Variants in ESRRA observed in about 807,000 individuals in gnomAD.
ESRRA encodes the protein estrogen related receptor alpha.
ESRRA carries 7 observed loss-of-function variants against 35.6 expected under a neutral mutation model. The observed-to-expected ratio is 0.20, with a 90% CI of 0.11 to 0.37. The LOEUF is 0.37. ESRRA is among the 10% of genes least tolerant of loss of function. The pLI is 1.00. For missense variants in ESRRA, 378 were observed against 561.7 expected (o/e 0.67, Z 3.31); for synonymous variants, 223 against 246.9 (o/e 0.90, Z 0.91).
chr11:64,314,963 C>G (rs372001940), intron 5 of ESRRA, 38 bp from the exon 6 acceptor site: 3 of 1,598,400 alleles, frequency 1.9e-6, no homozygotes, highest in Non-Finnish European at 1.7e-6. Flanking sequence ...GGCTCTGGTG[C>G]GCTTGCTCAG....
At position 64,314,306 on chromosome 11, in the gene ESRRA, G is replaced by T; in HGVS notation, c.510G>T (p.Leu170=). ...AGCGGCGGCCGGAGGTGGACCCACT[G>T]CCCTTCCCGGGCCCCTTCCCTGCTG... ...KYKRRPEVDP[L]PFPGPFPAGP... The change falls in exon 4 of 7, where the codon CTG becomes CTT. Residue 170 remains leucine, a synonymous_variant. Transcript: ENST00000000442. 6.2e-7 allele frequency: 1 copy of T among 1,609,838 alleles called. No individual in the cohort carries two copies. The highest frequency in any genetic ancestry group is 8.5e-7 in the Non-Finnish European group (1 of 1,178,630).
At chr11:64,308,096 C>T (rs1301340053) in intron 2 of ESRRA, among the ~76,000 whole-genome samples, 1 of 152,052 alleles carries the variant, frequency 6.6e-6, no homozygotes, top group Non-Finnish European at 1.5e-5. Flanking sequence ...TTCACCATGT[C>T]GGCCAGGCTG....
At chr11:64,312,705 T>C (rs1239371834) in intron 2 of ESRRA, among the ~76,000 whole-genome samples, 1 of 152,158 alleles carries the variant, frequency 6.6e-6, no homozygotes, top group African/African-American at 2.4e-5. Context: ...TCTGTTGTGC[T>C]GAGGGCTGAA....
intron 1 of ESRRA, 96 bp from the exon 2 acceptor site, chr11:64,307,072 T>C (rs2035047633): frequency 9.5e-7 from 1 of 1,048,494 alleles, no homozygotes; most frequent in Non-Finnish European, 1.4e-6. Context: ...CTTGGAAGCC[T>C]GGCCCTAGGC....
chr11:64,314,448 G>A (rs2135259651), intron 4 of ESRRA, 81 bp downstream of exon 4: 1 of 1,417,068 alleles, frequency 7.1e-7, no homozygotes, highest in Non-Finnish European at 9.4e-7. Context: ...ACTGGGACCT[G>A]TATTTCCCCT....
intron 2 of ESRRA, among the ~76,000 whole-genome samples, chr11:64,308,206 C>A (rs187573566): frequency 6.6e-6 from 1 of 152,056 alleles, no homozygotes; most frequent in African/African-American, 2.4e-5. Context: ...TAGTTTAGCA[C>A]CCAACTTTAA....
chr11:64,312,768 G>T (rs1159342542), intron 2 of ESRRA, among the ~76,000 whole-genome samples: 7 of 152,210 alleles, frequency 4.6e-5, no homozygotes, highest in Admixed American at 1.3e-4. Flanking sequence ...AAGGGATTTG[G>T]CATTATCACA....
In ESRRA at chr11:64,316,278, C is replaced by A; in HGVS notation, c.*312C>A. 3.3e-6 allele frequency: 1 copy of A among 299,080 alleles called. No homozygotes were observed. 18.5% of individuals were successfully genotyped at this position (299,080 alleles called of 1,614,324 possible). ...GGATGCGTGGGAGGCAGAAACCTAT[C>A]TCAGGGAGGGAAGGGGATGGAGGCC... On this transcript the variant is annotated 3_prime_UTR_variant, in exon 7 of 7. Transcript: ENST00000000442.
chr11:64,312,182 C>T (rs1176367422), intron 2 of ESRRA, among the ~76,000 whole-genome samples: 2 of 151,140 alleles, frequency 1.3e-5, no homozygotes, highest in Middle Eastern at 3.2e-3. Context: ...CTGTGTCACC[C>T]AGGCTGGAGT....
chr11:64,314,105 G>T, intron 3 of ESRRA, 38 bp downstream of exon 3: 1 of 1,559,134 alleles, frequency 6.4e-7, no homozygotes, highest in Non-Finnish European at 8.7e-7. Flanking sequence ...GGCTGGGGGA[G>T]TCGGGGACCC....
chr11:64,315,350 A>G, intron 6 of ESRRA, 80 bp downstream of exon 6: 1 of 1,447,748 alleles, frequency 6.9e-7, no homozygotes. Flanking sequence ...GCACAGCCCC[A>G]TTTTGCAGAT....
Position 64,313,824 on chromosome 11 carries a change from C to G in ESRRA, c.326-127C>G. ...CCCCTCCCTGCCTGCTCATGGCCCC[C>G]TGCTCTCCCTTTCCTCCCCATACCC... On this transcript the variant is annotated intron_variant, in intron 2 of 6. Coordinates refer to ENST00000000442, the MANE Select transcript of ESRRA (RefSeq NM_004451.5). This position sits in a 1 kb window ranked among gnomAD's most constrained non-coding sequence, Gnocchi z 4.0. The G allele has an allele frequency of 1.6e-6, 1 of 631,450 alleles. No individual in the cohort carries two copies. Among genetic ancestry groups the G allele is most frequent in the Non-Finnish European group, 2.7e-6 (1 of 364,126 alleles). 39.1% of individuals were successfully genotyped at this position (631,450 alleles called of 1,614,324 possible).
rs747209844 is a variant in ESRRA, at chr11:64,307,407, G to A, written c.228G>A (p.Lys76=). ...GGKLVLSSLP[K]RLCLVCGDVA... Reference sequence around the variant, plus strand: ...AGCTGGTGCTCAGCTCCCTGCCCAAGCGCCTCTGCCTGGTCTGTGGGGACG... The same window carrying A: ...AGCTGGTGCTCAGCTCCCTGCCCAAACGCCTCTGCCTGGTCTGTGGGGACG... Residue 76 remains lysine (K), a synonymous_variant, in exon 2 of 7, where the codon AAG becomes AAA. Coordinates refer to ENST00000000442, the MANE Select transcript of ESRRA (RefSeq NM_004451.5). 3 of 1,591,522 alleles carry A rather than the reference G, an allele frequency of 1.9e-6. No individual in the cohort carries two copies. Among genetic ancestry groups the A allele is most frequent in the Non-Finnish European group, 1.7e-6 (2 of 1,165,670 alleles).
rs2035258300 is a variant in ESRRA, at chr11:64,316,197, C to T, written c.*231C>T. 1 of 498,806 alleles carries T rather than the reference C, an allele frequency of 2.0e-6. No individual in the cohort carries two copies. Among genetic ancestry groups the T allele is most frequent in the Non-Finnish European group, 3.5e-6 (1 of 283,270 alleles). The allele number at this position is 498,806 out of a possible 1,614,324, so 30.9% of individuals were successfully genotyped here. A position where few individuals can be genotyped will look rare whatever the true frequency, so the allele number is the denominator to read the frequency against. On this transcript the variant is annotated 3_prime_UTR_variant, in exon 7 of 7. Coordinates refer to ENST00000000442, the MANE Select transcript of ESRRA (RefSeq NM_004451.5). The stretch of plus-strand genomic sequence containing the variant: ...TGGGCACAGTGCTGCCCCTTGCAAG[C>T]CATAACGTGCCCCCAGAGTGTAGGG...
At chr11:64,307,593 C>A in intron 2 of ESRRA, 89 bp downstream of exon 2, 2 of 982,024 alleles carry the variant, frequency 2.0e-6, no homozygotes, top group South Asian at 2.5e-5. Flanking sequence ...GCTGTGGCAC[C>A]GCTTGAGGCT....
At position 64,305,975 on chromosome 11, in the gene ESRRA, A is replaced by G. The variant is rs1418548949; in HGVS notation, c.-13+239A>G. Among the ~76,000 whole-genome samples, 1 of 151,500 alleles carries G rather than the reference A, an allele frequency of 6.6e-6. No homozygotes were observed. Among genetic ancestry groups the G allele is most frequent in the Non-Finnish European group, 1.5e-5 (1 of 67,876 alleles). Reference sequence around the variant, plus strand: ...GATCTGGCTCTGGCTGCGGGTCCTGACTCGGGTCAGGGTTGGGCCTCCGAT... The same window carrying G: ...GATCTGGCTCTGGCTGCGGGTCCTGGCTCGGGTCAGGGTTGGGCCTCCGAT... On this transcript the variant is annotated intron_variant, in intron 1 of 6. Coordinates refer to ENST00000000442, the MANE Select transcript of ESRRA (RefSeq NM_004451.5). This position sits in a 1 kb window ranked among gnomAD's most constrained non-coding sequence, Gnocchi z 5.8.
In ESRRA at chr11:64,314,850, C is replaced by CA. The variant is rs1360971499; in HGVS notation, c.681_682insA (p.Leu228ThrfsTer3). The CA allele has an allele frequency of 6.2e-7, 1 of 1,612,468 alleles. No individual in the cohort carries two copies. The highest frequency in any genetic ancestry group is 1.3e-5 in the African/African-American group (1 of 75,044). On this transcript the variant is annotated frameshift_variant, in exon 5 of 7. Transcript: ENST00000000442. LOFTEE classifies it high-confidence loss of function. ...ATGGGCACCTCCCAGCCGTGGCTAC[C>CA]CTCTGTGACCTCTTTGACCGAGAGA...
intron 3 of ESRRA, 58 bp from the exon 4 acceptor site, chr11:64,314,181 C>T: frequency 6.4e-7 from 1 of 1,571,430 alleles, no homozygotes; most frequent in Non-Finnish European, 8.6e-7. Context: ...CTCTGGAGAG[C>T]AAGCCCCACC....
chr11:64,311,665 C>T (rs1051350809), intron 2 of ESRRA, among the ~76,000 whole-genome samples: 1 of 151,752 alleles, frequency 6.6e-6, no homozygotes, highest in African/African-American at 2.4e-5. Context: ...CCACCCGCCT[C>T]GGCCTCCCAA....
Sources: gnomAD v4.1 joint callset for allele counts (sites outside exome capture counted in the v4.1 genomes callset) on GRCh38, gnomAD v4.1.1 for gene constraint, Gnocchi (gnomAD v3.1) non-coding constraint, MANE v1.5 for transcripts, NCBI Gene and HGNC (gene_info 2026-07-23, HGNC 2026-07-21) for gene names.